The following CHID1 variants were observed in gnomAD, a reference collection of about 807,000 sequenced individuals.
CHID1 encodes the protein chitinase domain containing 1, also known as chitinase domain-containing protein 1.
CHID1 carries 44 observed loss-of-function variants against 55.4 expected under a neutral mutation model. That is an observed-to-expected ratio of 0.79 (90% confidence interval 0.62 to 1.02). CHID1 has a LOEUF of 1.02. CHID1 is among the 50% of genes least tolerant of loss of function. CHID1 has a pLI of 0.00. For missense variants in CHID1, 491 were observed against 515.3 expected (o/e 0.95, Z 0.46); for synonymous variants, 216 against 212.9 (o/e 1.01, Z -0.13).
rs774467013 is a variant in CHID1 at position 906,795 on chromosome 11, A to G, written c.-43-1936T>C. Among the ~76,000 whole-genome samples the G allele has an allele frequency of 4.6e-5, 7 of 151,412 alleles. No homozygotes were observed. The East Asian group carries it at 1.2e-3, about 26-fold the overall frequency. ...TGTAATCACACCACGTCGGGAGGCCAAGGCAGGCAGATCACCTGAAGTCGG... is the reference window on the plus strand; with the variant it reads ...TGTAATCACACCACGTCGGGAGGCCGAGGCAGGCAGATCACCTGAAGTCGG... On this transcript the variant is annotated intron_variant, in intron 1 of 12. Transcript: ENST00000323578.
rs149585062 is a variant in CHID1 at position 870,145 on chromosome 11, G to A, written c.1059C>T (p.His353=). The change falls in exon 12 of 13, where the codon CAC becomes CAT. Residue 353 remains histidine, a synonymous_variant. Transcript: ENST00000323578. ...CCTTCAGGGTTGGGTAGAAGACGAC[G>A]TGCCTCCCACTGCGGCTCCTGCAAG... ...FEYKKSRSGR[H]VVFYPTLKSL... The A allele has an allele frequency of 5.4e-4, 863 of 1,613,032 alleles. 1 individual carries two copies. Among genetic ancestry groups the A allele is most frequent in the Non-Finnish European group, 6.9e-4 (812 of 1,179,964 alleles).
rs567867626 is a variant in CHID1 at position 869,761 on chromosome 11, G to A, written c.*97C>T. The A allele has an allele frequency of 1.2e-4, 132 of 1,112,916 alleles. No individual in the cohort carries two copies. The highest frequency in any genetic ancestry group is 9.1e-4 in the South Asian group (70 of 77,160). 68.9% of individuals were successfully genotyped at this position (1,112,916 alleles called of 1,614,324 possible). A position where few individuals can be genotyped will look rare whatever the true frequency, so the allele number is the denominator to read the frequency against. On this transcript the variant is annotated 3_prime_UTR_variant, in exon 13 of 13. Transcript: ENST00000323578. ...CCCGACTGAGGACTGCAGCAGACCC[G>A]TCACAGCAAACGGAGTGGAGGCCTG... is the stretch of plus-strand genomic sequence containing the variant.
chr11:873,628 C>CACGG (rs1050963725), intron 10 of CHID1, among the ~76,000 whole-genome samples: 2 of 152,116 alleles, frequency 1.3e-5, no homozygotes, highest in Admixed American at 6.6e-5. Flanking sequence ...ACTCAATGAA[C>CACGG]ACGGACAGCT....
At chr11:896,564 C>A (rs1851314886) in intron 7 of CHID1, among the ~76,000 whole-genome samples, 1 of 129,978 alleles carries the variant, frequency 7.7e-6, no homozygotes. Flanking sequence ...CAGCCTCCAC[C>A]CCAGACGTGA....
At chr11:912,308 C>T (rs1485451132), upstream of CHID1, among the ~76,000 whole-genome samples, 1 of 151,922 alleles carries the variant, frequency 6.6e-6, no homozygotes, top group African/African-American at 2.4e-5. Context: ...AAGTAAGACT[C>T]GGTCTCAAAA....
Position 869,731 on chromosome 11 carries a change from G to C in CHID1, c.*127C>G, listed in dbSNP as rs892028949. On this transcript the variant is annotated 3_prime_UTR_variant, in exon 13 of 13. Transcript: ENST00000323578. ...AGGATGGGGAGTCACATGGTGCCCA[G>C]GACCCCCGACTGAGGACTGCAGCAG... 1.2e-6 allele frequency: 1 copy of C among 805,684 alleles called. No individual in the cohort carries two copies. Among genetic ancestry groups the C allele is most frequent in the Non-Finnish European group, 2.1e-6 (1 of 481,668 alleles). 49.9% of individuals were successfully genotyped at this position (805,684 alleles called of 1,614,324 possible).
rs1242154139 is a variant in CHID1 at position 875,627 on chromosome 11, AG to A, written c.960-5129del. Reference sequence around the variant, plus strand: ...TTGCTGAAACTCTTAGCGCCACATGAGGCCGAGGGAGTCAAGTCCTGGGGTG... The same window carrying A: ...TTGCTGAAACTCTTAGCGCCACATGAGCCGAGGGAGTCAAGTCCTGGGGTG... On this transcript the variant is annotated intron_variant, in intron 10 of 12. Transcript: ENST00000323578. The surrounding 1 kb of genome is among the most constrained non-coding windows in gnomAD (Gnocchi z 4.7). Among the ~76,000 whole-genome samples the A allele has an allele frequency of 1.3e-5, 2 of 152,098 alleles. No homozygotes were observed. Among genetic ancestry groups the A allele is most frequent in the African/African-American group, 4.8e-5 (2 of 41,408 alleles).
At chr11:871,053 C>T (rs865776055) in intron 10 of CHID1, among the ~76,000 whole-genome samples, 47 of 147,898 alleles carry the variant, frequency 3.2e-4, no homozygotes, top group Admixed American at 2.4e-3. Context: ...TACAGTCGTG[C>T]GATCTTGGTT....
At chr11:907,524 T>C (rs554066307) in intron 1 of CHID1, among the ~76,000 whole-genome samples, 1 of 151,420 alleles carries the variant, frequency 6.6e-6, no homozygotes, top group South Asian at 2.1e-4. Context: ...TTCACTGGGG[T>C]TGGGGGCAGC....
rs529980689 is a variant in CHID1, at chr11:895,464, C to G, written c.609-1945G>C. ...GCCCCGGAGGCGACGTGAGCTGCAG[C>G]TACAGTGCTGCAGCATTGCCCGGAG... On this transcript the variant is annotated intron_variant, in intron 7 of 12. Transcript: ENST00000323578. Among the ~76,000 whole-genome samples, 5 of 152,282 alleles carry G rather than the reference C, an allele frequency of 3.3e-5. No homozygotes were observed. In the South Asian group the frequency reaches 1.0e-3, roughly 32 times the overall value.
chr11:889,042 G>A (rs1175085301), intron 8 of CHID1, among the ~76,000 whole-genome samples: 1 of 152,196 alleles, frequency 6.6e-6, no homozygotes, highest in Admixed American at 6.5e-5. Context: ...GGCCCTGGGG[G>A]TGCACTGCCC....
At chr11:886,624 G>C (rs1432164151) in intron 8 of CHID1, among the ~76,000 whole-genome samples, 1 of 152,216 alleles carries the variant, frequency 6.6e-6, no homozygotes. Flanking sequence ...CCTATGAGAA[G>C]AGACACCACA....
Position 883,133 on chromosome 11 carries a change from G to A in CHID1, c.959+15C>T. The A allele has an allele frequency of 6.2e-7, 1 of 1,603,968 alleles. No individual in the cohort carries two copies. The highest frequency in any genetic ancestry group is 1.3e-5 in the African/African-American group (1 of 74,896). ...AGTGACACCTTCAGCACGGCAGGGA[G>A]AGCCCTTGGCTCACCTGGCCCCGAC... On this transcript the variant is annotated intron_variant, in intron 10 of 12. Coordinates refer to ENST00000323578, the MANE Select transcript of CHID1 (RefSeq NM_023947.4).
Position 901,115 on chromosome 11 carries a change from C to G in CHID1, c.395-135G>C, listed in dbSNP as rs1025607391. The G allele has an allele frequency of 3.8e-5, 26 of 681,940 alleles. No individual in the cohort carries two copies. In the Admixed American group the frequency reaches 7.6e-4, roughly 20 times the overall value. The allele number at this position is 681,940 out of a possible 1,614,324, so 42.2% of individuals were successfully genotyped here. ...AGGGGCGGGCAGGCAGGTGTGAGAACCCACCCCTCCCTGGCCCAGGGCTGG... is the reference window on the plus strand; with the variant it reads ...AGGGGCGGGCAGGCAGGTGTGAGAAGCCACCCCTCCCTGGCCCAGGGCTGG... On this transcript the variant is annotated intron_variant, in intron 4 of 12. Transcript: ENST00000323578.
chr11:876,997 A>C (rs563579231), intron 10 of CHID1, among the ~76,000 whole-genome samples: 1 of 152,250 alleles, frequency 6.6e-6, no homozygotes, highest in Admixed American at 6.5e-5. Context: ...TGTGCCACTC[A>C]GGCCCAGAGG....
intron 8 of CHID1, among the ~76,000 whole-genome samples, chr11:886,066 G>A (rs1308480464): frequency 6.7e-6 from 1 of 148,194 alleles, no homozygotes; most frequent in African/African-American, 2.5e-5. Flanking sequence ...GGAGAATGGC[G>A]TGTGAAACCG....
At chr11:908,959 A>T (rs1410027097) in intron 1 of CHID1, among the ~76,000 whole-genome samples, 1 of 152,214 alleles carries the variant, frequency 6.6e-6, no homozygotes, top group Non-Finnish European at 1.5e-5. Flanking sequence ...AACCTAACTG[A>T]ACACAAGGCC....
chr11:870,993 T>G (rs1399186136), intron 10 of CHID1, among the ~76,000 whole-genome samples: 1 of 147,122 alleles, frequency 6.8e-6, no homozygotes, highest in East Asian at 2.0e-4. Flanking sequence ...CTGCACCTTT[T>G]TTTTTTTTTT....
chr11:884,579 C>T (rs1850256154), intron 8 of CHID1, among the ~76,000 whole-genome samples: 1 of 152,206 alleles, frequency 6.6e-6, no homozygotes, highest in African/African-American at 2.4e-5. Context: ...TGCAGCAAAG[C>T]CTCCCTGAAG....
Sources: allele counts gnomAD v4.1 joint callset (sites outside exome capture counted in the v4.1 genomes callset), GRCh38; gene constraint gnomAD v4.1.1; non-coding constraint Gnocchi (gnomAD v3.1); transcripts MANE v1.5; gene names NCBI Gene and HGNC (gene_info 2026-07-23, HGNC 2026-07-21).